PPP4R1: variants seen among roughly 807,000 people sequenced by gnomAD.
The protein encoded by PPP4R1 is serine/threonine-protein phosphatase 4 regulatory subunit 1.
Under a neutral mutation model 111.2 loss-of-function variants are expected in PPP4R1, and 42 were observed. That is an observed-to-expected ratio of 0.38 (90% CI 0.29 to 0.49). PPP4R1 has a LOEUF of 0.49. PPP4R1 is among the 20% of genes least tolerant of loss of function. The pLI is 0.97. For missense variants in PPP4R1, 1,012 were observed against 1,161.6 expected (o/e 0.87, Z 1.87); for synonymous variants, 409 against 405.5 (o/e 1.01, Z -0.10).
chr18:9,583,920 C>T (rs1365979659), intron 8 of PPP4R1, among the ~76,000 whole-genome samples: 3 of 151,980 alleles, frequency 2.0e-5, no homozygotes, highest in African/African-American at 7.2e-5. Context: ...AAACCCTACC[C>T]AACATGAAAG....
intron 2 of PPP4R1, among the ~76,000 whole-genome samples, chr18:9,601,332 T>C (rs1221818061): frequency 2.0e-5 from 3 of 151,814 alleles, no homozygotes; most frequent in Non-Finnish European, 4.4e-5. Flanking sequence ...GAGACCAGCC[T>C]GGCCAACATG....
At chr18:9,569,474 A>C (rs2145105505) in intron 11 of PPP4R1, among the ~76,000 whole-genome samples, 1 of 152,316 alleles carries the variant, frequency 6.6e-6, no homozygotes, top group East Asian at 1.9e-4. Context: ...ATCTTATAAA[A>C]AGGTAATGAG....
At chr18:9,585,662 C>T (rs1324113627) in intron 6 of PPP4R1, among the ~76,000 whole-genome samples, 5 of 152,032 alleles carry the variant, frequency 3.3e-5, no homozygotes, top group Non-Finnish European at 5.9e-5. Flanking sequence ...TACAAAGAAG[C>T]CACCAGAATA....
chr18:9,573,988 G>T (rs1261295522), intron 10 of PPP4R1, among the ~76,000 whole-genome samples: 1 of 152,050 alleles, frequency 6.6e-6, no homozygotes, highest in African/African-American at 2.4e-5. Flanking sequence ...CAAAAATGTC[G>T]AAAGTATAAA....
Position 9,563,399 on chromosome 18 carries a change from A to G in PPP4R1, c.1725T>C (p.Pro575=). 6.2e-7 allele frequency: 1 copy of G among 1,612,454 alleles called. No homozygotes were observed. Among genetic ancestry groups the G allele is most frequent in the Non-Finnish European group, 8.5e-7 (1 of 1,179,258 alleles). The part of the protein sequence containing the change: ...NCKINQEDSV[P]LISDAVENMD... ...TTACCTCAACAGCATCGCTGATTAA[A>G]GGCACAGAATCTTCTTGATTTATTT... The change falls in exon 12 of 20, where the codon CCT becomes CCC. Residue 575 remains proline, a synonymous_variant. Transcript: ENST00000400556.
At chr18:9,566,693 G>A (rs978539599) in intron 11 of PPP4R1, among the ~76,000 whole-genome samples, 7 of 132,456 alleles carry the variant, frequency 5.3e-5, no homozygotes, top group African/African-American at 1.7e-4. Flanking sequence ...ACACACACAC[G>A]TTAAAACCAA....
Position 9,570,384 on chromosome 18 carries a change from T to G in PPP4R1, c.1346A>C (p.Asp449Ala). 6.2e-7 allele frequency: 1 copy of G among 1,613,770 alleles called. No individual in the cohort carries two copies. The highest frequency in any genetic ancestry group is 1.1e-5 in the South Asian group (1 of 91,036). ...GTTSQDSALL[D>A]QELYNSFHFW... Reference sequence around the variant, plus strand: ...ATGGAAGGAGTTATACAATTCCTGATCTAAGAGAGCTGAATCTTGTGAAGT... The same window carrying G: ...ATGGAAGGAGTTATACAATTCCTGAGCTAAGAGAGCTGAATCTTGTGAAGT... The change falls in exon 11 of 20, where the codon GAT becomes GCT. Residue 449 changes from aspartate to alanine, a missense_variant. Asp to Ala is a moderately radical substitution (Grantham distance 126). Around this residue, in one of 2 missense-constraint regions of PPP4R1, gnomAD observed 707 missense variants for 742.1 expected, o/e 0.95. Transcript: ENST00000400556.
At chr18:9,596,086 G>GT (rs1272299546) in intron 2 of PPP4R1, among the ~76,000 whole-genome samples, 1 of 152,314 alleles carries the variant, frequency 6.6e-6, no homozygotes, top group South Asian at 2.1e-4. Flanking sequence ...CTGTGATATA[G>GT]TAAACTGGAT....
Position 9,570,410 on chromosome 18 carries a change from G to C in PPP4R1, c.1320C>G (p.Thr440=). ...CTAAGAGAGCTGAATCTTGTGAAGT[G>C]GTGCCAACCTCTGGTCGTAACATAG... is the stretch of plus-strand genomic sequence containing the variant. ...YKSMLRPEVG[T]TSQDSALLDQ... Residue 440 remains threonine, a synonymous_variant, in exon 11 of 20, where the codon ACC becomes ACG. Coordinates refer to ENST00000400556, the MANE Select transcript of PPP4R1 (RefSeq NM_001042388.3). 9.3e-6 allele frequency: 15 copies of C among 1,614,080 alleles called. No individual in the cohort carries two copies. Among genetic ancestry groups the C allele is most frequent in the Non-Finnish European group, 1.3e-5 (15 of 1,179,980 alleles).
chr18:9,568,211 AT>A (rs1186901782), intron 11 of PPP4R1, among the ~76,000 whole-genome samples: 4 of 152,040 alleles, frequency 2.6e-5, no homozygotes, highest in Non-Finnish European at 5.9e-5. Flanking sequence ...CTTTTTAGAG[AT>A]GGGGGTCTTG....
rs2066411798 is a variant in PPP4R1 at position 9,547,003 on chromosome 18, T to A, written c.*786A>T. On this transcript the variant is annotated 3_prime_UTR_variant, in exon 20 of 20. Transcript: ENST00000400556. ...TTAAAGACTGCAGCACTCCCAAGAG[T>A]GGTCACAGGTATGTACAGTATGTGA... 6.6e-6 allele frequency: 1 copy of A among 152,320 alleles called. No homozygotes were observed. The highest frequency in any genetic ancestry group is 1.5e-5 in the Non-Finnish European group (1 of 68,000). 9.4% of individuals were successfully genotyped at this position (152,320 alleles called of 1,614,324 possible).
chr18:9,594,863 C>A, intron 3 of PPP4R1, 155 bp downstream of exon 3: 3 of 852,938 alleles, frequency 3.5e-6, no homozygotes, highest in South Asian at 2.5e-5. Flanking sequence ...TAAACAAGTA[C>A]AAAACTGCTC....
chr18:9,613,837 T>A (rs1312582932), intron 2 of PPP4R1: 1 of 156,850 alleles, frequency 6.4e-6, no homozygotes, highest in Non-Finnish European at 1.4e-5. Flanking sequence ...GCGAGCCTCT[T>A]CCTTCCTAGA....
chr18:9,549,828 G>T (rs1568080383), intron 18 of PPP4R1: 1 of 620,374 alleles, frequency 1.6e-6, no homozygotes, highest in East Asian at 2.8e-5. Context: ...CAGGCACGTG[G>T]GGTGTGTGTG....
At chr18:9,566,842 T>C (rs756469380) in intron 11 of PPP4R1, among the ~76,000 whole-genome samples, 1 of 152,198 alleles carries the variant, frequency 6.6e-6, no homozygotes. Context: ...TTAAGCCCAC[T>C]GTTGAGACCT....
Position 9,550,315 on chromosome 18 carries a change from T to C in PPP4R1, c.2375A>G (p.Asp792Gly), listed in dbSNP as rs1568081049. The C allele has an allele frequency of 6.2e-7, 1 of 1,614,134 alleles. No homozygotes were observed. The change falls in exon 17 of 20, where the codon GAC becomes GGC. Residue 792 changes from aspartate (D) to glycine (G), a missense_variant. Coordinates refer to ENST00000400556, the MANE Select transcript of PPP4R1 (RefSeq NM_001042388.3). ...AATCCAACGAACAGAAGAAACTTTG[T>C]CTGCACACAGATTCAGAGCAATGGG... ...LRPIALNLCA[D>G]KVSSVRWISY...
Position 9,588,788 on chromosome 18 carries a change from G to A in PPP4R1, c.361C>T (p.Arg121Trp), listed in dbSNP as rs770416271. The A allele has an allele frequency of 4.3e-6, 7 of 1,613,884 alleles. No homozygotes were observed. Among genetic ancestry groups the A allele is most frequent in the East Asian group, 2.2e-5 (1 of 44,880 alleles). The change falls in exon 5 of 20, where the codon CGG (arginine) becomes TGG (tryptophan). Residue 121 changes from arginine (R) to tryptophan (W), a missense_variant. By Grantham distance (101) the Arg-to-Trp change is moderately radical. Coordinates refer to ENST00000400556, the MANE Select transcript of PPP4R1 (RefSeq NM_001042388.3). ...GAAAAAGCATATGGTATTGAAGGCC[G>A]GTTTTCTTGACAAAACAGTGCGATG... The part of the protein sequence containing the change: ...PHIALFCQEN[R>W]PSIPYAFSKF...
upstream of PPP4R1, among the ~76,000 whole-genome samples, chr18:9,616,280 T>A (rs2067687234): frequency 6.7e-6 from 1 of 148,824 alleles, no homozygotes. Flanking sequence ...AAAAAGCAAA[T>A]TTTTTTTAGA....
chr18:9,614,377 G>C lies in PPP4R1; in HGVS notation c.7+101C>G. ...GCCCCGGGGGCGCCTTCCCGCGCCGGGACCCCACGCCGGCCCCGGCCCGGC... is the reference window on the plus strand; with the variant it reads ...GCCCCGGGGGCGCCTTCCCGCGCCGCGACCCCACGCCGGCCCCGGCCCGGC... On this transcript the variant is annotated intron_variant, in intron 1 of 19. Transcript: ENST00000400556. This position sits in a 1 kb window ranked among gnomAD's most constrained non-coding sequence, Gnocchi z 4.1. 9.7e-7 allele frequency: 1 copy of C among 1,026,326 alleles called. No homozygotes were observed. Among genetic ancestry groups the C allele is most frequent in the South Asian group, 4.5e-5 (1 of 22,180 alleles). 63.6% of individuals were successfully genotyped at this position (1,026,326 alleles called of 1,614,324 possible).
Sources: allele counts gnomAD v4.1 joint callset (sites outside exome capture counted in the v4.1 genomes callset), GRCh38; gene constraint gnomAD v4.1.1; regional missense constraint gnomAD v4.1.1; non-coding constraint Gnocchi (gnomAD v3.1); transcripts MANE v1.5; gene names NCBI Gene and HGNC (gene_info 2026-07-23, HGNC 2026-07-21).